GPC6: variants seen among roughly 807,000 people sequenced by gnomAD.
The protein encoded by GPC6 is glypican 6, also known as glypican-6.
In GPC6, 14 loss-of-function variants were observed where a neutral mutation model predicts 55.2. That is an observed-to-expected ratio of 0.25 (90% confidence interval 0.17 to 0.40). The LOEUF (loss-of-function observed/expected upper bound fraction) is 0.40, where lower values mean the gene tolerates loss of function less well. Among genes scored for constraint, GPC6 ranks in the 10% least tolerant of loss-of-function variants. GPC6 has a pLI of 1.00. For synonymous variants in GPC6, 278 were observed against 259.6 expected (o/e 1.07, Z -0.68); for missense variants, 641 against 708.5 (o/e 0.90, Z 1.08).
At chr13:94,161,008 T>C (rs1888145402) in intron 4 of GPC6, among the ~76,000 whole-genome samples, 1 of 152,210 alleles carries the variant, frequency 6.6e-6, no homozygotes, top group African/African-American at 2.4e-5. Flanking sequence ...ACCAAGCCAG[T>C]GCCTGCCCCC....
intron 2 of GPC6, among the ~76,000 whole-genome samples, chr13:93,826,386 G>A (rs1409078067): frequency 1.3e-5 from 2 of 152,064 alleles, no homozygotes; most frequent in Non-Finnish European, 2.9e-5. Context: ...CCCACAGTAG[G>A]ACAAGTGCTA....
chr13:93,979,808 C>T (rs932525850), intron 3 of GPC6, among the ~76,000 whole-genome samples: 9 of 152,086 alleles, frequency 5.9e-5, no homozygotes, highest in African/African-American at 2.2e-4. Context: ...GTATAGAGAA[C>T]TAGAAATCAG....
intron 5 of GPC6, among the ~76,000 whole-genome samples, chr13:94,288,825 ATATT>A (rs1566637685): frequency 8.4e-6 from 1 of 118,968 alleles, no homozygotes; most frequent in Non-Finnish European, 1.7e-5. Context: ...ATAAATATAT[ATATT>A]TGTTATATAT....
In GPC6 at chr13:94,306,085, A is replaced by G. The variant is rs1875929481; in HGVS notation, c.1114A>G (p.Arg372Gly). 1 of 1,614,096 alleles carries G rather than the reference A, an allele frequency of 6.2e-7. No individual in the cohort carries two copies. The highest frequency in any genetic ancestry group is 8.5e-7 in the Non-Finnish European group (1 of 1,180,032). Residue 372 changes from arginine (R) to glycine (G), a missense_variant, in exon 6 of 9, where the codon AGA becomes GGA. Transcript: ENST00000377047. ...TTTCAGGCCCTACAATCCTGAGGAAAGACCAACAACTGCTGCAGGCACAAG... is the reference window on the plus strand; with the variant it reads ...TTTCAGGCCCTACAATCCTGAGGAAGGACCAACAACTGCTGCAGGCACAAG... ...TRFRPYNPEE[R>G]PTTAAGTSLD...
intron 3 of GPC6, among the ~76,000 whole-genome samples, chr13:93,986,506 GT>G (rs772987551): frequency 5.3e-5 from 8 of 152,152 alleles, no homozygotes; most frequent in Non-Finnish European, 8.8e-5. Flanking sequence ...AGATATTTGG[GT>G]AACTTTGAAA....
At chr13:93,637,257 G>A (rs765848661) in intron 2 of GPC6, among the ~76,000 whole-genome samples, 4 of 152,042 alleles carry the variant, frequency 2.6e-5, no homozygotes, top group Non-Finnish European at 5.9e-5. Flanking sequence ...AACTGTTATG[G>A]CTTTTTTGAA....
chr13:93,556,946 T>A (rs1875514794), intron 2 of GPC6, among the ~76,000 whole-genome samples: 1 of 152,196 alleles, frequency 6.6e-6, no homozygotes, highest in African/African-American at 2.4e-5. Context: ...TAGCACACTT[T>A]GATTCAAACA....
At chr13:93,645,971 C>A (rs992867937) in intron 2 of GPC6, among the ~76,000 whole-genome samples, 1 of 151,992 alleles carries the variant, frequency 6.6e-6, no homozygotes, top group African/African-American at 2.4e-5. Context: ...AAAAGGCGCT[C>A]GACAGTACTG....
At chr13:93,224,228 C>A, upstream of GPC6, among the ~76,000 whole-genome samples, 1 of 129,110 alleles carries the variant, frequency 7.7e-6, no homozygotes, top group Admixed American at 9.0e-5. Context: ...GAGTTTCTTT[C>A]TTGTTGCCCA....
chr13:93,643,816 C>A (rs1482190770), intron 2 of GPC6, among the ~76,000 whole-genome samples: 1 of 152,102 alleles, frequency 6.6e-6, no homozygotes. Context: ...ATTCTGCCAT[C>A]CTGCAGCAGC....
intron 2 of GPC6, among the ~76,000 whole-genome samples, chr13:93,597,642 G>A (rs1234853281): frequency 2.0e-5 from 3 of 152,204 alleles, no homozygotes; most frequent in African/African-American, 2.4e-5. Context: ...CCTCCTCAGC[G>A]TGAAGACCTT....
intron 2 of GPC6, among the ~76,000 whole-genome samples, chr13:93,644,766 GTAAATAAATAAATAAATAAATAAA>G (rs58920250): frequency 7.0e-6 from 1 of 143,176 alleles, no homozygotes; most frequent in Non-Finnish European, 1.5e-5. Context: ...GCCATCAAGA[GTAAATAAATAAATAAATAAATAAA>G]TAAATAAATA....
intron 6 of GPC6, among the ~76,000 whole-genome samples, chr13:94,379,124 C>T (rs1321154820): frequency 1.3e-5 from 2 of 152,058 alleles, no homozygotes; most frequent in African/African-American, 4.8e-5. Flanking sequence ...ATATATTATT[C>T]AGAAATATAA....
intron 6 of GPC6, among the ~76,000 whole-genome samples, chr13:94,328,936 G>C (rs371925613): frequency 1.3e-5 from 2 of 152,320 alleles, no homozygotes; most frequent in East Asian, 3.9e-4. Flanking sequence ...AGGACTGTAA[G>C]CTTCTGTGTG....
At chr13:93,756,301 T>A (rs1294559747) in intron 2 of GPC6, among the ~76,000 whole-genome samples, 1 of 152,140 alleles carries the variant, frequency 6.6e-6, no homozygotes, top group Non-Finnish European at 1.5e-5. Flanking sequence ...TTGTGGTCAT[T>A]GTGACACCAA....
At chr13:94,045,709 T>C (rs555660134) in intron 4 of GPC6, among the ~76,000 whole-genome samples, 25 of 144,964 alleles carry the variant, frequency 1.7e-4, no homozygotes, top group African/African-American at 6.4e-4. Context: ...TTGTTAGCAA[T>C]ATAGAAACCA....
chr13:94,033,747 A>G (rs557154644), intron 4 of GPC6, among the ~76,000 whole-genome samples: 1 of 152,328 alleles, frequency 6.6e-6, no homozygotes, highest in Non-Finnish European at 1.5e-5. Flanking sequence ...ACCATGTTAC[A>G]AAAACCTCTA....
At chr13:93,664,023 T>C (rs909286437) in intron 2 of GPC6, among the ~76,000 whole-genome samples, 3 of 152,228 alleles carry the variant, frequency 2.0e-5, no homozygotes, top group Non-Finnish European at 2.9e-5. Context: ...GTCGTTGTTC[T>C]GTATAATGTT....
chr13:93,493,643 T>G (rs1212498297), intron 1 of GPC6, among the ~76,000 whole-genome samples: 1 of 139,676 alleles, frequency 7.2e-6, no homozygotes, highest in Admixed American at 7.3e-5. Context: ...CTTTCCTGCT[T>G]TCTCTTGTGG....
Sources: allele counts gnomAD v4.1 joint callset (sites outside exome capture counted in the v4.1 genomes callset), GRCh38; gene constraint gnomAD v4.1.1; transcripts MANE v1.5; gene names NCBI Gene and HGNC (gene_info 2026-07-23, HGNC 2026-07-21).